Variants in TMEM156 observed in about 807,000 individuals in gnomAD.
The protein encoded by TMEM156 is transmembrane protein 156.
In TMEM156, 28 loss-of-function variants were observed where a neutral mutation model predicts 30.5. The observed-to-expected ratio is 0.92, with a 90% CI of 0.68 to 1.26. The LOEUF is 1.26. Ranked by LOEUF, TMEM156 falls within the 50% of genes most tolerant of loss-of-function variation. The pLI is 0.00. For missense variants in TMEM156, 351 were observed against 340.6 expected (o/e 1.03, Z -0.24); for synonymous variants, 137 against 119.9 (o/e 1.14, Z -0.93).
chr4:38,980,925 G>A, intron 5 of TMEM156: 1 of 985,088 alleles, frequency 1.0e-6, no homozygotes, highest in Non-Finnish European at 1.2e-6. Context: ...TCACGTAAAG[G>A]CATTCAATGA....
chr4:38,984,162 A>G (rs1039745636), intron 5 of TMEM156, among the ~76,000 whole-genome samples: 4 of 152,220 alleles, frequency 2.6e-5, no homozygotes, highest in African/African-American at 7.2e-5. Context: ...ATCTCTTTCT[A>G]CAGCAGCAGG....
chr4:39,017,171 C>CTTCTT (rs1714546435), intron 1 of TMEM156, among the ~76,000 whole-genome samples: 1 of 91,300 alleles, frequency 1.1e-5, no homozygotes, highest in African/African-American at 4.5e-5. Flanking sequence ...TGTATTTCTT[C>CTTCTT]TTTTTTTTTT....
chr4:38,979,840 A>G (rs1055516385), intron 5 of TMEM156, among the ~76,000 whole-genome samples: 1 of 152,236 alleles, frequency 6.6e-6, no homozygotes, highest in East Asian at 1.9e-4. Context: ...TATTCAGTTC[A>G]GTGATCTGGC....
chr4:39,005,360 A>G (rs1713659143), intron 1 of TMEM156, among the ~76,000 whole-genome samples: 1 of 152,120 alleles, frequency 6.6e-6, no homozygotes, highest in Non-Finnish European at 1.5e-5. Flanking sequence ...GTGAGTTCTC[A>G]CAAGATCTGA....
Position 38,993,836 on chromosome 4 carries a change from T to G in TMEM156, c.521A>C (p.Glu174Ala). Reference protein sequence around the residue: ...HTGRSTIMEDEPSKEKSINYT... With the variant: ...HTGRSTIMEDAPSKEKSINYT... The stretch of plus-strand genomic sequence containing the variant: ...GTTTATCGATTTCTCCTTGCTTGGC[T>G]CATCCTCCATGATTGTTGATCTTCC... The change falls in exon 3 of 7, where the codon GAG (glutamate) becomes GCG (alanine). Residue 174 changes from glutamate to alanine, a missense_variant. Transcript: ENST00000381938. 1 of 1,614,134 alleles carries G rather than the reference T, an allele frequency of 6.2e-7. No homozygotes were observed. Among genetic ancestry groups the G allele is most frequent in the South Asian group, 1.1e-5 (1 of 91,082 alleles).
intron 1 of TMEM156, among the ~76,000 whole-genome samples, chr4:39,020,755 G>A (rs896554842): frequency 2.6e-5 from 4 of 151,836 alleles, no homozygotes; most frequent in Non-Finnish European, 5.9e-5. Context: ...TCACCATGTT[G>A]GCCAGGATGG....
chr4:38,977,058 A>C (rs1260339036), intron 5 of TMEM156, among the ~76,000 whole-genome samples: 1 of 152,076 alleles, frequency 6.6e-6, no homozygotes, highest in African/African-American at 2.4e-5. Flanking sequence ...AGCGTGCACC[A>C]CCACACCGGC....
intron 1 of TMEM156, among the ~76,000 whole-genome samples, chr4:39,006,753 CA>C (rs1404638499): frequency 6.6e-6 from 1 of 151,680 alleles, no homozygotes; most frequent in Non-Finnish European, 1.5e-5. Flanking sequence ...CCCATCTCTA[CA>C]AAAAATACAA....
chr4:39,027,848 C>A (rs2110072514), intron 1 of TMEM156, among the ~76,000 whole-genome samples: 1 of 150,702 alleles, frequency 6.6e-6, no homozygotes, highest in South Asian at 2.1e-4. Context: ...CCTCCGCCTC[C>A]TGGATTCAAG....
intron 1 of TMEM156, among the ~76,000 whole-genome samples, chr4:39,031,992 C>T (rs1057446060): frequency 8.6e-5 from 13 of 151,160 alleles, no homozygotes; most frequent in African/African-American, 3.2e-4. Context: ...ATCTAGACTA[C>T]AGATTTTAAA....
chr4:39,018,070 T>G (rs1429057795), intron 1 of TMEM156, among the ~76,000 whole-genome samples: 4 of 152,204 alleles, frequency 2.6e-5, no homozygotes, highest in African/African-American at 4.8e-5. Flanking sequence ...GTTTCTTGCC[T>G]TTCTGGCTGT....
intron 2 of TMEM156, among the ~76,000 whole-genome samples, chr4:38,995,004 G>A (rs1220434868): frequency 2.0e-5 from 3 of 152,114 alleles, no homozygotes; most frequent in Non-Finnish European, 2.9e-5. Context: ...AGATCAAGGT[G>A]TTGGCACGGT....
At chr4:39,011,947 T>C in intron 1 of TMEM156, among the ~76,000 whole-genome samples, 1 of 152,216 alleles carries the variant, frequency 6.6e-6, no homozygotes, top group Middle Eastern at 3.2e-3. Context: ...TTCTCATTTA[T>C]AAGTGGTAGC....
rs572677277 is a variant in TMEM156 at position 39,018,205 on chromosome 4, C to A, written c.88+14021G>T. Among the ~76,000 whole-genome samples, 8 of 152,184 alleles carry A rather than the reference C, an allele frequency of 5.3e-5. No homozygotes were observed. The South Asian group carries it at 1.7e-3, about 32-fold the overall frequency. On this transcript the variant is annotated intron_variant, in intron 1 of 6. Coordinates refer to ENST00000381938, the MANE Select transcript of TMEM156 (RefSeq NM_024943.3). ...TAATTTTTAACATGCATTCTTAAAG[C>A]CTAAAGTCAATCAACAGTTAACCTC...
At chr4:38,980,205 A>G (rs1031217108) in intron 5 of TMEM156, among the ~76,000 whole-genome samples, 83 of 150,170 alleles carry the variant, frequency 5.5e-4, no homozygotes, top group African/African-American at 1.9e-3. Flanking sequence ...AAAAAAAAAA[A>G]TCTTGAACTG....
intron 6 of TMEM156, among the ~76,000 whole-genome samples, chr4:38,970,476 C>T (rs1332840775): frequency 2.6e-5 from 4 of 152,110 alleles, no homozygotes; most frequent in African/African-American, 7.2e-5. Flanking sequence ...TTTCCCTCCC[C>T]TTCCCTGTTA....
chr4:38,990,031 G>A (rs1185971976), intron 3 of TMEM156, among the ~76,000 whole-genome samples: 1 of 152,156 alleles, frequency 6.6e-6, no homozygotes, highest in Non-Finnish European at 1.5e-5. Flanking sequence ...CTGGCCTCGG[G>A]CAATCCACCC....
intron 2 of TMEM156, 44 bp from the exon 3 acceptor site, chr4:38,994,042 A>G: frequency 6.5e-7 from 1 of 1,537,688 alleles, no homozygotes. Flanking sequence ...ATATTAATAC[A>G]TAGCAAGAAA....
chr4:39,007,062 C>A (rs1713789769), intron 1 of TMEM156, among the ~76,000 whole-genome samples: 1 of 152,124 alleles, frequency 6.6e-6, no homozygotes, highest in East Asian at 1.9e-4. Flanking sequence ...AGTAGTCTAT[C>A]TTTCCTTATC....
Sources: gnomAD v4.1 joint callset for allele counts (sites outside exome capture counted in the v4.1 genomes callset) on GRCh38, gnomAD v4.1.1 for gene constraint, MANE v1.5 for transcripts, NCBI Gene and HGNC (gene_info 2026-07-23, HGNC 2026-07-21) for gene names.